GGNBP2: variants seen among roughly 807,000 people sequenced by gnomAD.
GGNBP2 encodes gametogenetin binding protein 2.
Under a neutral mutation model 85.9 loss-of-function variants are expected in GGNBP2, and 10 were observed. That is an observed-to-expected ratio of 0.12 (90% CI 0.07 to 0.20). GGNBP2 has a LOEUF of 0.20. Ranked by LOEUF, GGNBP2 falls within the 10% of genes least tolerant of loss-of-function variation. The probability of loss-of-function intolerance (pLI) is 1.00; values close to 1 mark genes in which losing one functional copy is unlikely to be tolerated. For missense variants in GGNBP2, 595 were observed against 857.8 expected, an observed-to-expected ratio of 0.69 and a Z score of 3.83; for synonymous variants, 287 against 285.7, an observed-to-expected ratio of 1.00 and a Z score of -0.05.
chr17:36,551,225 A>C (rs1485558695), intron 2 of GGNBP2, among the ~76,000 whole-genome samples: 2 of 141,196 alleles, frequency 1.4e-5, no homozygotes, highest in Non-Finnish European at 3.1e-5. Context: ...TTTTTTTTTG[A>C]GACCGAGTTT....
At chr17:36,579,223 G>A (rs761889679) in intron 7 of GGNBP2, 22 bp from the exon 8 acceptor site, 1 of 1,604,232 alleles carries the variant, frequency 6.2e-7, no homozygotes, top group African/African-American at 1.3e-5. Flanking sequence ...AGGTATTAGT[G>A]TGTGATTATT....
intron 5 of GGNBP2, 30 bp from the exon 6 acceptor site, chr17:36,567,633 C>T (rs927441640): frequency 1.7e-6 from 2 of 1,149,074 alleles, no homozygotes; most frequent in African/African-American, 1.5e-5. Flanking sequence ...CTGTATTCTC[C>T]CTTTTCACTA....
At chr17:36,577,907 A>G (rs1248939691) in intron 6 of GGNBP2, 76 bp from the exon 7 acceptor site, 1 of 1,117,602 alleles carries the variant, frequency 8.9e-7, no homozygotes, top group East Asian at 2.4e-5. Flanking sequence ...GAGTGCCATC[A>G]TCTAGTACAC....
At chr17:36,552,544 A>T (rs78107008) in intron 2 of GGNBP2, among the ~76,000 whole-genome samples, 45,437 of 151,940 alleles carry the variant, frequency 0.3, 8,255 homozygotes, top group Non-Finnish European at 0.41. Flanking sequence ...GCTTATAACA[A>T]TGTCTAATAC....
intron 5 of GGNBP2, among the ~76,000 whole-genome samples, chr17:36,563,784 C>T (rs34966008): frequency 0.31 from 46,054 of 149,734 alleles, 8,261 homozygotes; most frequent in Non-Finnish European, 0.41. Context: ...TCCCCTGTCA[C>T]CCGGGCTAGA....
intron 6 of GGNBP2, 121 bp from the exon 7 acceptor site, chr17:36,577,862 T>A (rs2074607416): frequency 1.3e-6 from 1 of 756,344 alleles, no homozygotes; most frequent in African/African-American, 1.7e-5. Context: ...TAAATGTGTG[T>A]ATGGAGGCTT....
chr17:36,565,395 G>A (rs1469026139), intron 5 of GGNBP2, among the ~76,000 whole-genome samples: 1 of 151,838 alleles, frequency 6.6e-6, no homozygotes, highest in East Asian at 1.9e-4. Flanking sequence ...AAGGCATAAG[G>A]TCTAGAATGT....
chr17:36,557,434 T>G, intron 4 of GGNBP2, 98 bp downstream of exon 4: 1 of 1,016,464 alleles, frequency 9.8e-7, no homozygotes, highest in Non-Finnish European at 1.5e-6. Flanking sequence ...TTGAGTCTGA[T>G]TTAATAATTT....
intron 5 of GGNBP2, among the ~76,000 whole-genome samples, chr17:36,563,315 A>G (rs2142727367): frequency 6.6e-6 from 1 of 152,252 alleles, no homozygotes; most frequent in African/African-American, 2.4e-5. Flanking sequence ...TAAAATTGTC[A>G]AACATAGAAA....
Position 36,547,055 on chromosome 17 carries a change from C to T in GGNBP2, c.93+1238C>T, listed in dbSNP as rs539608340. Reference sequence around the variant, plus strand: ...TAATTATTCAAGTGCATTTATTTTTCATGAAAAAAGGTAGAATGATTTGTT... The same window carrying T: ...TAATTATTCAAGTGCATTTATTTTTTATGAAAAAAGGTAGAATGATTTGTT... On this transcript the variant is annotated intron_variant, in intron 2 of 13. Transcript: ENST00000613102. 2.6e-5 allele frequency: 4 copies of T among 152,050 alleles called. No homozygotes were observed. In the South Asian group the frequency reaches 8.3e-4, roughly 32 times the overall value. 9.4% of individuals were successfully genotyped at this position (152,050 alleles called of 1,614,324 possible). A position where few individuals can be genotyped will look rare whatever the true frequency, so the allele number is the denominator to read the frequency against.
chr17:36,572,322 G>A (rs2074533839), intron 6 of GGNBP2, among the ~76,000 whole-genome samples: 1 of 152,128 alleles, frequency 6.6e-6, no homozygotes, highest in African/African-American at 2.4e-5. Context: ...GGAAGTATTT[G>A]TTGTTATTTC....
At chr17:36,574,980 GCTGGCCGGCACGGGTCTGCTTCTGCA>G (rs1157087028) in intron 6 of GGNBP2, 2 of 1,515,132 alleles carry the variant, frequency 1.3e-6, no homozygotes, top group Non-Finnish European at 1.8e-6. Context: ...AACCTGGTGC[GCTGGCCGGCACGGGTCTGCTTCTGCA>G]CTGGCATAAT....
intron 6 of GGNBP2, among the ~76,000 whole-genome samples, chr17:36,573,601 G>T (rs2074548163): frequency 1.3e-5 from 2 of 152,314 alleles, no homozygotes; most frequent in Admixed American, 1.3e-4. Flanking sequence ...TTCCGTACCG[G>T]TTTCCATAGC....
intron 6 of GGNBP2, among the ~76,000 whole-genome samples, chr17:36,572,794 CTTTT>C (rs2074539101): frequency 6.6e-6 from 1 of 152,160 alleles, no homozygotes; most frequent in Non-Finnish European, 1.5e-5. Flanking sequence ...ATCTCTAGAA[CTTTT>C]TCATCTCAAC....
At chr17:36,568,645 G>A (rs997651661) in intron 6 of GGNBP2, among the ~76,000 whole-genome samples, 1 of 152,120 alleles carries the variant, frequency 6.6e-6, no homozygotes, top group African/African-American at 2.4e-5. Flanking sequence ...AATATTTGAA[G>A]TATTTCTTCT....
chr17:36,554,352 A>ATTTTT lies in GGNBP2; in HGVS notation c.94-438_94-434dup, dbSNP rs780217291. 1.6e-3 allele frequency among the ~76,000 whole-genome samples: 72 copies of ATTTTT among 44,512 alleles called. 1 individual carries two copies. The highest frequency in any genetic ancestry group is 3.6e-3 in the South Asian group (3 of 822). 29.2% of individuals were successfully genotyped at this position (44,512 alleles called of 152,430 possible). ...ATGGAAACTTGTCTTATGTACTTGA[A>ATTTTT]TTTTTTTTTTTTTTTTTTTTTTTTT... On this transcript the variant is annotated intron_variant, in intron 2 of 13. Coordinates refer to ENST00000613102, the MANE Select transcript of GGNBP2 (RefSeq NM_024835.5).
intron 6 of GGNBP2, among the ~76,000 whole-genome samples, chr17:36,573,356 A>G (rs2142753305): frequency 6.6e-6 from 1 of 152,258 alleles, no homozygotes; most frequent in African/African-American, 2.4e-5. Flanking sequence ...CAAGTGATCC[A>G]TTCGCCTCGG....
chr17:36,549,958 G>A (rs1186878651), intron 2 of GGNBP2, among the ~76,000 whole-genome samples: 1 of 149,944 alleles, frequency 6.7e-6, no homozygotes, highest in Non-Finnish European at 1.5e-5. Flanking sequence ...TTTTTTTCGA[G>A]ATGGAGTCTC....
intron 5 of GGNBP2, among the ~76,000 whole-genome samples, chr17:36,561,740 C>T (rs745496252): frequency 6.6e-6 from 1 of 151,982 alleles, no homozygotes; most frequent in African/African-American, 2.4e-5. Flanking sequence ...TCTCCTGCCC[C>T]AGCCTCCCGA....
Sources: allele counts gnomAD v4.1 joint callset (sites outside exome capture counted in the v4.1 genomes callset), GRCh38; gene constraint gnomAD v4.1.1; transcripts MANE v1.5; gene names NCBI Gene and HGNC (gene_info 2026-07-23, HGNC 2026-07-21).